WDR64: variants seen among roughly 807,000 people sequenced by gnomAD.
The protein encoded by WDR64 is WD repeat domain 64, also known as WD repeat-containing protein 64.
In WDR64, 112 loss-of-function variants were observed where a neutral mutation model predicts 139.3. The observed-to-expected ratio is 0.80, with a 90% CI of 0.69 to 0.94. The LOEUF is 0.94. Among genes scored for constraint, WDR64 ranks in the 40% least tolerant of loss-of-function variants. The probability of loss-of-function intolerance (pLI) is 0.00; values close to 1 mark genes in which losing one functional copy is unlikely to be tolerated. For synonymous variants in WDR64, 444 were observed against 437.7 expected (o/e 1.01, Z -0.18); for missense variants, 1,206 against 1,293.1 (o/e 0.93, Z 1.03).
In WDR64 at chr1:241,656,906, GTGTGTC is replaced by G. The variant is rs1328377695; in HGVS notation, c.146-3620_146-3615del. The stretch of plus-strand genomic sequence containing the variant: ...TGTGTGTGTGTGTGTGTGTGTGTGT[GTGTGTC>G]TGTCTGGGGATGGAGGTGAGGTGCA... On this transcript the variant is annotated intron_variant, in intron 1 of 27. Coordinates refer to ENST00000437684, the MANE Select transcript of WDR64 (RefSeq NM_001367482.1). The surrounding 1 kb of genome is among the most constrained non-coding windows in gnomAD (Gnocchi z 4.3). Among the ~76,000 whole-genome samples, 44 of 148,980 alleles carry G rather than the reference GTGTGTC, an allele frequency of 3.0e-4. No individual in the cohort carries two copies. Among genetic ancestry groups the G allele is most frequent in the African/African-American group, 7.7e-4 (30 of 38,972 alleles).
At chr1:241,652,673 T>C in intron 1 of WDR64, 44 bp downstream of exon 1, 1 of 1,542,654 alleles carries the variant, frequency 6.5e-7, no homozygotes, top group African/African-American at 1.4e-5. Flanking sequence ...GTCTGTTGGT[T>C]AGAACTGGAA....
At chr1:241,686,424 T>C (rs1368940439) in intron 7 of WDR64, among the ~76,000 whole-genome samples, 1 of 152,192 alleles carries the variant, frequency 6.6e-6, no homozygotes, top group Non-Finnish European at 1.5e-5. Context: ...TTTAATGTCA[T>C]ATTGTAGAAC....
chr1:241,794,181 C>CA (rs34541036), intron 25 of WDR64, among the ~76,000 whole-genome samples: 41 of 144,256 alleles, frequency 2.8e-4, no homozygotes, highest in Non-Finnish European at 4.5e-4. Context: ...AACTCTGTCT[C>CA]AAAAAAAAAA....
intron 8 of WDR64, among the ~76,000 whole-genome samples, chr1:241,689,294 T>A (rs1667122581): frequency 8.1e-6 from 1 of 123,022 alleles, no homozygotes; most frequent in Admixed American, 8.0e-5. Context: ...CAAAACAGAT[T>A]GTCAGAGTGA....
chr1:241,766,468 T>C (rs1281142531), intron 16 of WDR64, 117 bp downstream of exon 16: 6 of 1,172,164 alleles, frequency 5.1e-6, no homozygotes, highest in East Asian at 2.6e-5. Context: ...CCCAGAACTT[T>C]GGGAGGAGGA....
chr1:241,735,932 G>C (rs531283213), intron 10 of WDR64, among the ~76,000 whole-genome samples: 2 of 146,282 alleles, frequency 1.4e-5, no homozygotes, highest in Non-Finnish European at 3.0e-5. Flanking sequence ...CCTCTACCTG[G>C]TTCTTCAGGT....
chr1:241,721,340 A>G (rs1213818682), intron 9 of WDR64, among the ~76,000 whole-genome samples: 1 of 151,948 alleles, frequency 6.6e-6, no homozygotes, highest in Non-Finnish European at 1.5e-5. Flanking sequence ...AGAATGTAAA[A>G]TGACTATTTT....
At chr1:241,694,290 C>T (rs1667406319) in intron 8 of WDR64, among the ~76,000 whole-genome samples, 1 of 152,076 alleles carries the variant, frequency 6.6e-6, no homozygotes, top group Non-Finnish European at 1.5e-5. Flanking sequence ...TTGTAGACTT[C>T]ATGAAAGATA....
At chr1:241,741,777 C>T (rs1574060097) in intron 12 of WDR64, 113 bp downstream of exon 12, 2 of 1,097,574 alleles carry the variant, frequency 1.8e-6, no homozygotes, top group Non-Finnish European at 1.2e-6. Flanking sequence ...TACGATGAGA[C>T]CATACATTAG....
At chr1:241,753,588 C>T (rs562854498) in intron 14 of WDR64, among the ~76,000 whole-genome samples, 1 of 152,220 alleles carries the variant, frequency 6.6e-6, no homozygotes, top group African/African-American at 2.4e-5. Flanking sequence ...CCTGTAGTCC[C>T]ACCTACCTGG....
intron 21 of WDR64, among the ~76,000 whole-genome samples, chr1:241,779,617 G>A (rs1190639674): frequency 6.6e-6 from 1 of 152,168 alleles, no homozygotes; most frequent in Non-Finnish European, 1.5e-5. Context: ...TCTGAGGTCA[G>A]GAGTTCAAGA....
intron 24 of WDR64, among the ~76,000 whole-genome samples, chr1:241,789,662 G>C (rs2148327159): frequency 6.6e-6 from 1 of 152,270 alleles, no homozygotes; most frequent in East Asian, 1.9e-4. Context: ...TCACTTATAA[G>C]TGGGAGCTAA....
chr1:241,780,605 C>T (rs150523678), intron 22 of WDR64, among the ~76,000 whole-genome samples: 1 of 152,006 alleles, frequency 6.6e-6, no homozygotes, highest in East Asian at 1.9e-4. Context: ...TAAATAGATA[C>T]TTTTTTTTGG....
chr1:241,684,239 C>A (rs1245036154), intron 7 of WDR64, among the ~76,000 whole-genome samples: 1 of 152,062 alleles, frequency 6.6e-6, no homozygotes, highest in Non-Finnish European at 1.5e-5. Context: ...ATATTTTTAA[C>A]AGGTCTTAGA....
chr1:241,750,822 G>T (rs1669950703), intron 14 of WDR64, among the ~76,000 whole-genome samples: 2 of 152,108 alleles, frequency 1.3e-5, no homozygotes, highest in African/African-American at 4.8e-5. Flanking sequence ...CAGAGTAGGT[G>T]CTCATTAAGG....
chr1:241,732,583 G>A (rs1485234029), intron 10 of WDR64, among the ~76,000 whole-genome samples: 1 of 152,158 alleles, frequency 6.6e-6, no homozygotes, highest in Non-Finnish European at 1.5e-5. Flanking sequence ...ACTTTGGGAG[G>A]CTGAGGTGGG....
At chr1:241,681,402 T>TA (rs1387154969) in intron 6 of WDR64, among the ~76,000 whole-genome samples, 7 of 152,340 alleles carry the variant, frequency 4.6e-5, no homozygotes, top group African/African-American at 1.7e-4. Context: ...TTACTTCACT[T>TA]ACAATAATAG....
At chr1:241,763,219 CA>C (rs1309353337) in intron 15 of WDR64, among the ~76,000 whole-genome samples, 1 of 150,862 alleles carries the variant, frequency 6.6e-6, no homozygotes, top group Admixed American at 6.6e-5. Context: ...GTGTAGGTAC[CA>C]AAAAATGATT....
chr1:241,679,254 C>T (rs1027402865), intron 5 of WDR64, among the ~76,000 whole-genome samples: 1 of 152,134 alleles, frequency 6.6e-6, no homozygotes, highest in African/African-American at 2.4e-5. Flanking sequence ...GCAATCCTAT[C>T]GCTAACTGAA....
Sources: gnomAD v4.1 joint callset for allele counts (sites outside exome capture counted in the v4.1 genomes callset) on GRCh38, gnomAD v4.1.1 for gene constraint, Gnocchi (gnomAD v3.1) non-coding constraint, MANE v1.5 for transcripts, NCBI Gene and HGNC (gene_info 2026-07-23, HGNC 2026-07-21) for gene names.